The following COCH variants were observed in gnomAD, a reference collection of about 807,000 sequenced individuals.
The protein encoded by COCH is coagulation factor C homolog, cochlin (Limulus polyphemus).
Under a neutral mutation model 54.8 loss-of-function variants are expected in COCH, and 40 were observed. That is an observed-to-expected ratio of 0.73 (90% CI 0.57 to 0.95). COCH has a LOEUF of 0.95. Ranked by LOEUF, COCH falls within the 40% of genes least tolerant of loss-of-function variation. The pLI is 0.00. For missense variants in COCH, 605 were observed against 675.0 expected, an observed-to-expected ratio of 0.90 and a Z score of 1.15; for synonymous variants, 256 against 237.9, an observed-to-expected ratio of 1.08 and a Z score of -0.70.
Position 30,874,588 on chromosome 14 carries a change from G to C in COCH, c.-27G>C, listed in dbSNP as rs2138822443. 8.6e-6 allele frequency: 4 copies of C among 466,480 alleles called. No individual in the cohort carries two copies. Among genetic ancestry groups the C allele is most frequent in the South Asian group, 6.8e-5 (3 of 43,900 alleles). 28.9% of individuals were successfully genotyped at this position (466,480 alleles called of 1,614,324 possible). On this transcript the variant is annotated 5_prime_UTR_variant, in exon 1 of 12. Coordinates refer to ENST00000396618, the MANE Select transcript of COCH (RefSeq NM_004086.3). ...TCGGGCGCAGCCGGGTGGATCTCGA[G>C]CAGGTGCGGAGCCCCGGGCGGCGGG...
At chr14:30,878,706 A>C in intron 4 of COCH, 105 bp from the exon 5 acceptor site, 1 of 1,512,604 alleles carries the variant, frequency 6.6e-7, no homozygotes, top group South Asian at 1.2e-5. Context: ...CTGATGAGCT[A>C]TTTTCTTGAT....
chr14:30,893,147 C>CA (rs1375454621), downstream of COCH, among the ~76,000 whole-genome samples: 131 of 92,118 alleles, frequency 1.4e-3, 1 homozygote, highest in Middle Eastern at 0.014. Flanking sequence ...GCAAAAACCA[C>CA]AATTTTTTTT....
chr14:30,877,769 T>C lies in COCH; in HGVS notation c.239+41T>C. The stretch of plus-strand genomic sequence containing the variant: ...CCAGGGTGGGAGAGAAATGCAGACG[T>C]GATTATTTCCTTTCCTGCTTTACCC... On this transcript the variant is annotated intron_variant, in intron 4 of 11. Coordinates refer to ENST00000396618, the MANE Select transcript of COCH (RefSeq NM_004086.3). This position sits in a 1 kb window ranked among gnomAD's most constrained non-coding sequence, Gnocchi z 8.6. 6.2e-7 allele frequency: 1 copy of C among 1,613,218 alleles called. No individual in the cohort carries two copies. The highest frequency in any genetic ancestry group is 8.5e-7 in the Non-Finnish European group (1 of 1,179,926).
intron 11 of COCH, among the ~76,000 whole-genome samples, chr14:30,888,557 G>A (rs1291033373): frequency 1.3e-5 from 2 of 152,064 alleles, no homozygotes; most frequent in African/African-American, 2.4e-5. Flanking sequence ...CGAGGCAGAT[G>A]GATCGCTTGA....
chr14:30,891,907 G>A (rs1895990919), downstream of COCH, among the ~76,000 whole-genome samples: 1 of 152,138 alleles, frequency 6.6e-6, no homozygotes, highest in African/African-American at 2.4e-5. Context: ...AAGGAAATAC[G>A]TATTACAATC....
intron 9 of COCH, chr14:30,885,110 C>A: frequency 6.4e-7 from 1 of 1,553,694 alleles, no homozygotes; most frequent in South Asian, 1.2e-5. Context: ...TTTTGTGTTT[C>A]TAACTGGCGA....
At chr14:30,878,624 T>A (rs1895457803) in intron 4 of COCH, among the ~76,000 whole-genome samples, 187 bp from the exon 5 acceptor site, 1 of 152,158 alleles carries the variant, frequency 6.6e-6, no homozygotes, top group Non-Finnish European at 1.5e-5. Context: ...GCCACTGCAC[T>A]CCATCCTGGG....
chr14:30,875,237 G>A, intron 3 of COCH, 134 bp downstream of exon 3: 1 of 1,246,516 alleles, frequency 8.0e-7, no homozygotes, highest in African/African-American at 1.5e-5. Context: ...TTGAGCCGCC[G>A]CGTGGCGCGC....
chr14:30,885,173 T>C lies in COCH; in HGVS notation c.734-221T>C, dbSNP rs1051939952. ...TTCTAGGAGGTGGAGGGGGAACTAA[T>C]ATGGCTTGTGAAGATAAATAGGCCT... On this transcript the variant is annotated intron_variant, in intron 9 of 11. Transcript: ENST00000396618. 6 of 1,192,908 alleles carry C rather than the reference T, an allele frequency of 5.0e-6. 1 individual carries two copies. The highest frequency in any genetic ancestry group is 7.1e-6 in the Non-Finnish European group (6 of 847,646). The allele number at this position is 1,192,908 out of a possible 1,614,324, so 73.9% of individuals were successfully genotyped here.
intron 10 of COCH, 86 bp downstream of exon 10, chr14:30,885,706 G>C: frequency 6.5e-7 from 1 of 1,540,418 alleles, no homozygotes; most frequent in Non-Finnish European, 9.0e-7. Flanking sequence ...CTCTTATCTA[G>C]ATTAACTTGA....
chr14:30,893,149 A>ATT (rs754080275), downstream of COCH, among the ~76,000 whole-genome samples: 1,295 of 91,180 alleles, frequency 0.014, 18 homozygotes, highest in African/African-American at 0.035. Flanking sequence ...AAAAACCACA[A>ATT]TTTTTTTTTT....
At chr14:30,893,074 TTAAC>T (rs970272080), downstream of COCH, among the ~76,000 whole-genome samples, 25 of 152,134 alleles carry the variant, frequency 1.6e-4, no homozygotes, top group East Asian at 7.7e-4. Context: ...AAGACAACTT[TTAAC>T]TAACATGTTG....
At chr14:30,883,116 T>TA (rs933666891) in intron 8 of COCH, among the ~76,000 whole-genome samples, 35 of 152,054 alleles carry the variant, frequency 2.3e-4, no homozygotes, top group African/African-American at 7.2e-4. Context: ...CTCTCACCCT[T>TA]AAAAAAAATG....
At chr14:30,876,532 C>T (rs1397791185) in intron 3 of COCH, 2 of 152,158 alleles carry the variant, frequency 1.3e-5, no homozygotes, top group Non-Finnish European at 2.9e-5. Flanking sequence ...CAAATTAACC[C>T]CACGGCTTTA....
At chr14:30,882,136 T>TG (rs1566410442) in intron 8 of COCH, among the ~76,000 whole-genome samples, 2 of 129,332 alleles carry the variant, frequency 1.5e-5, no homozygotes, top group Non-Finnish European at 3.3e-5. Flanking sequence ...TTTTTTTTTT[T>TG]TTTTTTTTTT....
At chr14:30,892,204 T>C (rs1895998895), downstream of COCH, among the ~76,000 whole-genome samples, 1 of 152,224 alleles carries the variant, frequency 6.6e-6, no homozygotes, top group Non-Finnish European at 1.5e-5. Context: ...CTCTTCCAAA[T>C]GTTTAATACT....
intron 4 of COCH, among the ~76,000 whole-genome samples, chr14:30,878,033 C>T (rs1192013014): frequency 6.6e-6 from 1 of 152,164 alleles, no homozygotes; most frequent in African/African-American, 2.4e-5. Flanking sequence ...TTTTAACTTC[C>T]ACCACAACTC....
At chr14:30,888,267 T>A (rs570581392) in intron 11 of COCH, among the ~76,000 whole-genome samples, 1 of 145,988 alleles carries the variant, frequency 6.8e-6, no homozygotes, top group African/African-American at 2.6e-5. Flanking sequence ...AACCAGGGAG[T>A]GAGAGTCAGG....
Position 30,886,022 on chromosome 14 carries a change from C to A in COCH, c.1187C>A (p.Thr396Asn). The change falls in exon 11 of 12, where the codon ACT becomes AAT. Residue 396 changes from threonine to asparagine, a missense_variant. Coordinates refer to ENST00000396618, the MANE Select transcript of COCH (RefSeq NM_004086.3). ...GAATTTGTTTCCAACATAGCCAAGA[C>A]TTTTGAAATCTCGGACATTGGTGCC... is the stretch of plus-strand genomic sequence containing the variant. ...MLEFVSNIAK[T>N]FEISDIGAKI... 1 of 1,614,220 alleles carries A rather than the reference C, an allele frequency of 6.2e-7. No homozygotes were observed. The highest frequency in any genetic ancestry group is 1.1e-5 in the South Asian group (1 of 91,090).
Sources: allele counts gnomAD v4.1 joint callset (sites outside exome capture counted in the v4.1 genomes callset), GRCh38; gene constraint gnomAD v4.1.1; non-coding constraint Gnocchi (gnomAD v3.1); transcripts MANE v1.5; gene names NCBI Gene and HGNC (gene_info 2026-07-23, HGNC 2026-07-21).